Variants in LSM14A observed in about 807,000 individuals in gnomAD.
LSM14A encodes the protein protein LSM14 homolog A.
In LSM14A, 14 loss-of-function variants were observed where a neutral mutation model predicts 52.4. The ratio of observed to expected loss-of-function variants is 0.27; its 90% CI spans 0.18 to 0.42. The LOEUF (loss-of-function observed/expected upper bound fraction) is 0.42, where lower values mean the gene tolerates loss of function less well. LSM14A is among the 10% of genes least tolerant of loss of function. The pLI, the probability that LSM14A is intolerant of heterozygous loss-of-function variation, is 1.00. For synonymous variants in LSM14A, 185 were observed against 200.3 expected (o/e 0.92, Z 0.64); for missense variants, 417 against 581.8 (o/e 0.72, Z 2.91).
At chr19:34,182,664 C>T (rs531616374) in intron 1 of LSM14A, among the ~76,000 whole-genome samples, 23 of 139,254 alleles carry the variant, frequency 1.7e-4, no homozygotes, top group Admixed American at 3.0e-4. Context: ...GGTGAAACCC[C>T]GTCTCTACTA....
intron 1 of LSM14A, among the ~76,000 whole-genome samples, chr19:34,189,066 C>G (rs2145588594): frequency 6.6e-6 from 1 of 152,202 alleles, no homozygotes; most frequent in Middle Eastern, 3.4e-3. Flanking sequence ...ACTGTAACTT[C>G]CCTGAGGGTG....
At chr19:34,179,070 A>G (rs979938511) in intron 1 of LSM14A, among the ~76,000 whole-genome samples, 3 of 152,240 alleles carry the variant, frequency 2.0e-5, no homozygotes, top group African/African-American at 2.4e-5. Context: ...AAATTCTTAC[A>G]TTTAGTTAGC....
intron 8 of LSM14A, 148 bp from the exon 9 acceptor site, chr19:34,221,359 G>A: frequency 1.1e-6 from 1 of 908,632 alleles, no homozygotes; most frequent in East Asian, 2.7e-5. Flanking sequence ...TGGGATTACA[G>A]GCGTGAGCCA....
At chr19:34,190,550 A>G (rs998356767) in intron 1 of LSM14A, among the ~76,000 whole-genome samples, 2 of 151,998 alleles carry the variant, frequency 1.3e-5, no homozygotes, top group Non-Finnish European at 2.9e-5. Flanking sequence ...AAAAAAAAAA[A>G]GTGTATCAAG....
intron 1 of LSM14A, among the ~76,000 whole-genome samples, chr19:34,177,881 TA>T (rs2069190120): frequency 6.6e-6 from 1 of 151,616 alleles, no homozygotes; most frequent in Non-Finnish European, 1.5e-5. Flanking sequence ...GACCTTGTCT[TA>T]AAAAATAACA....
chr19:34,215,398 A>G (rs1307574699), intron 5 of LSM14A, 98 bp downstream of exon 5: 1 of 1,264,040 alleles, frequency 7.9e-7, no homozygotes, highest in Non-Finnish European at 1.1e-6. Context: ...GAATGATCCC[A>G]GAAAATTAAA....
intron 1 of LSM14A, among the ~76,000 whole-genome samples, chr19:34,187,036 G>A (rs752866287): frequency 3.3e-5 from 5 of 151,102 alleles, no homozygotes; most frequent in South Asian, 2.1e-4. Flanking sequence ...TCAGGAGATC[G>A]AGACCATCCT....
chr19:34,208,366 C>T (rs1364226967), intron 3 of LSM14A: 1 of 152,194 alleles, frequency 6.6e-6, no homozygotes, highest in African/African-American at 2.4e-5. Context: ...CCTAGTATGG[C>T]AGAGAATTGG....
In LSM14A at chr19:34,229,099, A is replaced by G. The variant is rs922613393; in HGVS notation, c.*1711A>G. ...AGATGTCCCGGGCCAATTTCAAGAA[A>G]GAAAACTGTAAATACTAGTTCTACT... On this transcript the variant is annotated 3_prime_UTR_variant, in exon 10 of 10. Transcript: ENST00000544216. The G allele has an allele frequency of 6.6e-6, 1 of 152,252 alleles. No homozygotes were observed. The highest frequency in any genetic ancestry group is 2.4e-5 in the African/African-American group (1 of 41,460). 9.4% of individuals were successfully genotyped at this position (152,252 alleles called of 1,614,324 possible).
chr19:34,180,837 T>C (rs181952119), intron 1 of LSM14A, among the ~76,000 whole-genome samples: 1 of 152,320 alleles, frequency 6.6e-6, no homozygotes, highest in East Asian at 1.9e-4. Flanking sequence ...AAATTTATGT[T>C]CGCTAGCCTC....
In LSM14A at chr19:34,194,514, G is replaced by A. The variant is rs377088182; in HGVS notation, c.158G>A (p.Arg53His). Reference sequence around the variant, plus strand: ...GGTACAGAAGACAGACCGACAGATCGTCCAATACCACCTCGAGATGAAGTC... The same window carrying A: ...GGTACAGAAGACAGACCGACAGATCATCCAATACCACCTCGAGATGAAGTC... ...SFGTEDRPTD[R>H]PIPPRDEVFE... is the part of the protein sequence containing the mutation. The change falls in exon 2 of 10, where the codon CGT becomes CAT. Residue 53 changes from arginine to histidine, a missense_variant. Around this residue, in one of 2 missense-constraint regions of LSM14A, gnomAD observed 60 missense variants for 124.8 expected, o/e 0.48. Coordinates refer to ENST00000544216, the MANE Select transcript of LSM14A (RefSeq NM_015578.4). 5.0e-6 allele frequency: 8 copies of A among 1,613,934 alleles called. No individual in the cohort carries two copies. Among genetic ancestry groups the A allele is most frequent in the East Asian group, 2.2e-5 (1 of 44,890 alleles).
At chr19:34,204,083 G>T (rs1238819070) in intron 3 of LSM14A, among the ~76,000 whole-genome samples, 1 of 152,130 alleles carries the variant, frequency 6.6e-6, no homozygotes. Context: ...GTAAAGGTTG[G>T]GGGGGCGTTC....
At chr19:34,216,811 C>T (rs538635557) in intron 6 of LSM14A, among the ~76,000 whole-genome samples, 14 of 152,098 alleles carry the variant, frequency 9.2e-5, no homozygotes, top group Non-Finnish European at 1.9e-4. Flanking sequence ...AGGATTTGTT[C>T]GTTTATATTT....
At chr19:34,203,538 G>GC (rs1319437479) in intron 3 of LSM14A, among the ~76,000 whole-genome samples, 1 of 152,116 alleles carries the variant, frequency 6.6e-6, no homozygotes, top group Non-Finnish European at 1.5e-5. Flanking sequence ...AGTGGCTCAC[G>GC]CCTGTAATCC....
chr19:34,205,501 A>C (rs2071626256), intron 3 of LSM14A, among the ~76,000 whole-genome samples: 1 of 144,674 alleles, frequency 6.9e-6, no homozygotes, highest in South Asian at 2.3e-4. Flanking sequence ...AAAAAAAAAA[A>C]AAAAAAAAAA....
At chr19:34,224,551 T>G (rs1014175341) in intron 9 of LSM14A, among the ~76,000 whole-genome samples, 2 of 152,220 alleles carry the variant, frequency 1.3e-5, no homozygotes, top group Non-Finnish European at 2.9e-5. Flanking sequence ...CAGCCTCTGC[T>G]TAGGTGTTGC....
chr19:34,179,631 A>G (rs908477525), intron 1 of LSM14A, among the ~76,000 whole-genome samples: 2 of 152,152 alleles, frequency 1.3e-5, no homozygotes, highest in African/African-American at 4.8e-5. Context: ...AAGTAAGGTA[A>G]GCCATGATTT....
intron 4 of LSM14A, among the ~76,000 whole-genome samples, chr19:34,209,450 G>A (rs978291824): frequency 2.2e-4 from 33 of 152,308 alleles, no homozygotes; most frequent in African/African-American, 7.5e-4. Flanking sequence ...ATCCTCACAG[G>A]ATGGAGAGTA....
At chr19:34,176,229 A>G (rs1021765608) in intron 1 of LSM14A, among the ~76,000 whole-genome samples, 3 of 152,114 alleles carry the variant, frequency 2.0e-5, no homozygotes, top group African/African-American at 7.2e-5. Flanking sequence ...TTTTTAAACT[A>G]TGGATTAAGA....
Sources: gnomAD v4.1 joint callset for allele counts (sites outside exome capture counted in the v4.1 genomes callset) on GRCh38, gnomAD v4.1.1 for gene constraint, gnomAD v4.1.1 regional missense constraint, MANE v1.5 for transcripts, NCBI Gene and HGNC (gene_info 2026-07-23, HGNC 2026-07-21) for gene names.